ASTN1: variants seen among roughly 807,000 people sequenced by gnomAD.
ASTN1 encodes the protein astrotactin-1.
ASTN1 carries 41 observed loss-of-function variants against 140.7 expected under a neutral mutation model. That is an observed-to-expected ratio of 0.29 (90% CI 0.23 to 0.38). The LOEUF is 0.38. ASTN1 is among the 10% of genes least tolerant of loss of function. The pLI is 1.00. For synonymous variants in ASTN1, 640 were observed against 652.2 expected (o/e 0.98, Z 0.29); for missense variants, 1,479 against 1,678.8 (o/e 0.88, Z 2.08).
At chr1:177,040,927 T>A (rs1676939303) in intron 2 of ASTN1, among the ~76,000 whole-genome samples, 1 of 152,176 alleles carries the variant, frequency 6.6e-6, no homozygotes, top group Admixed American at 6.5e-5. Context: ...ATAGAACTGC[T>A]TTTTTCCGTT....
chr1:176,910,378 A>G (rs1372846861), intron 16 of ASTN1, among the ~76,000 whole-genome samples: 2 of 152,172 alleles, frequency 1.3e-5, no homozygotes, highest in Non-Finnish European at 2.9e-5. Context: ...ACAGCAGTGA[A>G]AAGTCAGAAG....
intron 7 of ASTN1, among the ~76,000 whole-genome samples, chr1:177,016,800 C>A (rs893783881): frequency 6.6e-6 from 1 of 152,210 alleles, no homozygotes; most frequent in Admixed American, 6.5e-5. Context: ...TTACACCTCA[C>A]CCCCAAGATG....
At chr1:177,099,364 G>A (rs1273215638) in intron 1 of ASTN1, among the ~76,000 whole-genome samples, 8 of 151,576 alleles carry the variant, frequency 5.3e-5, no homozygotes, top group Admixed American at 5.3e-4. Flanking sequence ...TAAAAAATCA[G>A]GTCTGAAATT....
At chr1:176,910,840 C>T (rs1670204979) in intron 16 of ASTN1, among the ~76,000 whole-genome samples, 1 of 152,164 alleles carries the variant, frequency 6.6e-6, no homozygotes, top group Non-Finnish European at 1.5e-5. Context: ...TCAGCGGTGG[C>T]ATTAGATTCT....
At chr1:177,104,894 G>A (rs938133243) in intron 1 of ASTN1, among the ~76,000 whole-genome samples, 3 of 152,138 alleles carry the variant, frequency 2.0e-5, no homozygotes, top group African/African-American at 7.2e-5. Flanking sequence ...AGTCCTCTGG[G>A]CCTTACTGTT....
intron 2 of ASTN1, among the ~76,000 whole-genome samples, chr1:177,043,292 A>G (rs544036790): frequency 6.6e-6 from 1 of 152,330 alleles, no homozygotes; most frequent in East Asian, 1.9e-4. Flanking sequence ...CAACACACAT[A>G]TAAACAGACT....
At chr1:176,914,997 C>T (rs1035346554) in intron 16 of ASTN1, among the ~76,000 whole-genome samples, 1 of 151,962 alleles carries the variant, frequency 6.6e-6, no homozygotes, top group African/African-American at 2.4e-5. Flanking sequence ...CACAAATAGA[C>T]AAAAAAATTT....
At chr1:177,082,946 A>C (rs1442854543) in intron 1 of ASTN1, among the ~76,000 whole-genome samples, 1 of 152,182 alleles carries the variant, frequency 6.6e-6, no homozygotes, top group Non-Finnish European at 1.5e-5. Flanking sequence ...TCCTGTCTGC[A>C]TAAGGCACAT....
chr1:177,056,293 T>C (rs1324377312), intron 2 of ASTN1, among the ~76,000 whole-genome samples: 1 of 152,144 alleles, frequency 6.6e-6, no homozygotes, highest in African/African-American at 2.4e-5. Context: ...GCCTCTTTTG[T>C]CTCCAAATCT....
chr1:176,917,952 T>C lies in ASTN1; in HGVS notation c.2671+16200A>G, dbSNP rs148638513. 1.8e-3 allele frequency among the ~76,000 whole-genome samples: 273 copies of C among 152,272 alleles called. 3 individuals are homozygous for C. The highest frequency in any genetic ancestry group is 6.3e-3 in the African/African-American group (262 of 41,546). On this transcript the variant is annotated intron_variant, in intron 16 of 22. Transcript: ENST00000361833. ...ATACTAATAATTTTAAACTCCTGCATATCTATTTCCATCATCATTATTTCT... is the reference window on the plus strand; with the variant it reads ...ATACTAATAATTTTAAACTCCTGCACATCTATTTCCATCATCATTATTTCT...
rs79676077 is a variant in ASTN1 at position 177,140,044 on chromosome 1, C to A, written c.283+24350G>T. On this transcript the variant is annotated intron_variant, in intron 1 of 22. Coordinates refer to ENST00000361833, the MANE Select transcript of ASTN1 (RefSeq NM_004319.3). The stretch of plus-strand genomic sequence containing the variant: ...CCCCCAAACACCACCATTTTGAACT[C>A]AAAAATGTCCAGTTGGCCCCAATCT... Among the ~76,000 whole-genome samples, 883 of 152,204 alleles carry A rather than the reference C, an allele frequency of 5.8e-3. 8 individuals carry two copies. Among genetic ancestry groups the A allele is most frequent in the African/African-American group, 0.02 (843 of 41,536 alleles).
intron 9 of ASTN1, among the ~76,000 whole-genome samples, chr1:176,964,506 C>A (rs184441052): frequency 9.9e-5 from 15 of 152,282 alleles, no homozygotes; most frequent in Admixed American, 3.3e-4. Context: ...ATGAATTAAA[C>A]TTTATGATAA....
intron 1 of ASTN1, among the ~76,000 whole-genome samples, chr1:177,161,121 C>T (rs2102267452): frequency 6.6e-6 from 1 of 152,288 alleles, no homozygotes; most frequent in South Asian, 2.1e-4. Flanking sequence ...ATACCACACG[C>T]AAAACTGCCA....
At chr1:177,047,324 T>C (rs571049468) in intron 2 of ASTN1, among the ~76,000 whole-genome samples, 12 of 152,166 alleles carry the variant, frequency 7.9e-5, no homozygotes, top group South Asian at 2.1e-4. Flanking sequence ...AGTGAAATCA[T>C]AGAAGTATTA....
At chr1:176,974,711 A>G (rs1227778023) in intron 8 of ASTN1, among the ~76,000 whole-genome samples, 4 of 152,218 alleles carry the variant, frequency 2.6e-5, no homozygotes, top group Non-Finnish European at 5.9e-5. Context: ...AGATATATCA[A>G]ATGATTTTGA....
At chr1:176,977,393 C>T (rs1469278802) in intron 8 of ASTN1, among the ~76,000 whole-genome samples, 1 of 152,208 alleles carries the variant, frequency 6.6e-6, no homozygotes, top group East Asian at 1.9e-4. Context: ...GATTAATACA[C>T]ATTTTCTGCT....
In ASTN1 at chr1:177,061,091, T is replaced by C; in HGVS notation, c.458A>G (p.His153Arg). The C allele has an allele frequency of 6.2e-7, 1 of 1,603,982 alleles. No homozygotes were observed. Among genetic ancestry groups the C allele is most frequent in the Non-Finnish European group, 8.5e-7 (1 of 1,175,302 alleles). ...ESAEEELRILHISVMGGMIAL... is the reference protein window; with the variant it reads ...ESAEEELRILRISVMGGMIAL... ...TTCTGCTCTTACCATGACTGAGATG[T>C]GGAGGATCCTCAGCTCCTCTTCTGC... Residue 153 changes from histidine to arginine, a missense_variant, in exon 2 of 23, where the codon CAC becomes CGC. By Grantham distance (29) the His-to-Arg change is conservative. Transcript: ENST00000361833.
chr1:177,006,410 A>T (rs1674999526), intron 8 of ASTN1, among the ~76,000 whole-genome samples: 1 of 152,068 alleles, frequency 6.6e-6, no homozygotes, highest in African/African-American at 2.4e-5. Context: ...TGATTAAAAA[A>T]AAAAAAGATA....
intron 1 of ASTN1, among the ~76,000 whole-genome samples, chr1:177,125,684 A>G (rs1462824624): frequency 6.6e-6 from 1 of 152,234 alleles, no homozygotes; most frequent in East Asian, 1.9e-4. Context: ...GACACCAAGT[A>G]TATTACACGA....
Sources: gnomAD v4.1 joint callset for allele counts (sites outside exome capture counted in the v4.1 genomes callset) on GRCh38, gnomAD v4.1.1 for gene constraint, MANE v1.5 for transcripts, NCBI Gene and HGNC (gene_info 2026-07-23, HGNC 2026-07-21) for gene names.